ZNF343: variants seen among roughly 807,000 people sequenced by gnomAD.
ZNF343 encodes zinc finger protein 343.
A neutral mutation model predicts 13.8 loss-of-function variants in ZNF343; 11 were observed. The ratio of observed to expected loss-of-function variants is 0.80; its 90% confidence interval spans 0.50 to 1.32. ZNF343 has a LOEUF of 1.32. Among genes scored for constraint, ZNF343 ranks in the 40% most tolerant of loss-of-function variants. ZNF343 has a pLI of 0.00. For synonymous variants in ZNF343, 248 were observed against 260.0 expected, an observed-to-expected ratio of 0.95 and a Z score of 0.44; for missense variants, 658 against 714.2, an observed-to-expected ratio of 0.92 and a Z score of 0.90.
upstream of ZNF343, among the ~76,000 whole-genome samples, chr20:2,512,121 C>A (rs2085741692): frequency 6.6e-6 from 1 of 152,106 alleles, no homozygotes; most frequent in African/African-American, 2.4e-5. Context: ...CAGGAAGGCA[C>A]AAGATTTGTA....
At chr20:2,504,025 G>C (rs1311388392) in intron 1 of ZNF343, among the ~76,000 whole-genome samples, 1 of 152,150 alleles carries the variant, frequency 6.6e-6, no homozygotes, top group Non-Finnish European at 1.5e-5. Context: ...TCCAGGAGCT[G>C]GTTTTTTGAA....
Position 2,518,528 on chromosome 20 carries a change from C to T in ZNF343, c.-347+5927G>A, listed in dbSNP as rs1190592105. Among the ~76,000 whole-genome samples the T allele has an allele frequency of 6.6e-6, 1 of 152,152 alleles. No homozygotes were observed. Among genetic ancestry groups the T allele is most frequent in the African/African-American group, 2.4e-5 (1 of 41,428 alleles). ...AAGTACTCCAAAATACACAATAGTA[C>T]TCACAAGTGCCAGACTCTAACTTCT... On this transcript the variant is annotated intron_variant, in intron 1 of 6. Transcript: ENST00000358413. This position sits in a 1 kb window ranked among gnomAD's most constrained non-coding sequence, Gnocchi z 4.6.
chr20:2,492,002 T>TG lies in ZNF343; in HGVS notation c.304+696dup, dbSNP rs773205275. On this transcript the variant is annotated intron_variant, in intron 5 of 5. Coordinates refer to ENST00000278772, the MANE Select transcript of ZNF343 (RefSeq NM_024325.6). ...CCAAGTAGCTGAGATTACAGGCACA[T>TG]GCCACCATGCTCAGCTAATTTTTGT... 1,137 of 154,802 alleles carry TG rather than the reference T, an allele frequency of 7.3e-3. 9 individuals are homozygous for TG. Among genetic ancestry groups the TG allele is most frequent in the African/African-American group, 0.026 (1,091 of 41,632 alleles). The allele number at this position is 154,802 out of a possible 1,614,324, so 9.6% of individuals were successfully genotyped here.
Position 2,493,632 on chromosome 20 carries a change from C to T in ZNF343, c.119-55G>A, listed in dbSNP as rs555643723. On this transcript the variant is annotated intron_variant, in intron 3 of 5. Transcript: ENST00000278772. ...CCAGACCCCCCCACCCCCCACCCCC[C>T]ACCATGACGCTCCCTGAGCAGCTCT... 8.3e-6 allele frequency: 8 copies of T among 965,568 alleles called. No homozygotes were observed. The Admixed American group carries it at 8.8e-5, about 11-fold the overall frequency. The allele number at this position is 965,568 out of a possible 1,614,324, so 59.8% of individuals were successfully genotyped here.
At chr20:2,500,197 G>C (rs867975170) in intron 2 of ZNF343, among the ~76,000 whole-genome samples, 2 of 152,026 alleles carry the variant, frequency 1.3e-5, no homozygotes, top group African/African-American at 4.8e-5. Flanking sequence ...TACCCAACCC[G>C]GTCATATTAC....
chr20:2,507,097 T>C (rs2085672207), intron 1 of ZNF343, among the ~76,000 whole-genome samples: 1 of 151,486 alleles, frequency 6.6e-6, no homozygotes, highest in South Asian at 2.1e-4. Flanking sequence ...AAACCCCGTG[T>C]CTACTAAAAA....
chr20:2,484,035 T>A lies in ZNF343; in HGVS notation c.926A>T (p.Lys309Met). The change falls in exon 6 of 6, where the codon AAG becomes ATG. Residue 309 changes from lysine to methionine, a missense_variant. Physicochemically the swap from Lys to Met is moderately conservative, Grantham distance 95. Transcript: ENST00000278772. ...CSECGRGFSQ[K>M]SNLSRHQRTH... is the part of the protein sequence containing the mutation. ...TCTCTGGTGTCTGCTGAGGTTGGAC[T>A]TCTGGCTAAAACCTCGCCCGCACTC... 2 of 1,614,206 alleles carry A rather than the reference T, an allele frequency of 1.2e-6. No individual in the cohort carries two copies. Among genetic ancestry groups the A allele is most frequent in the South Asian group, 1.1e-5 (1 of 91,084 alleles).
chr20:2,523,598 A>G (rs2085791743), intron 1 of ZNF343, among the ~76,000 whole-genome samples: 1 of 149,888 alleles, frequency 6.7e-6, no homozygotes, highest in African/African-American at 2.5e-5. Context: ...CTGCCATCCT[A>G]CTGTTTGAGG....
At chr20:2,502,882 G>A (rs1288986430) in intron 1 of ZNF343, among the ~76,000 whole-genome samples, 3 of 152,152 alleles carry the variant, frequency 2.0e-5, no homozygotes, top group Non-Finnish European at 4.4e-5. Context: ...AGACCATTGA[G>A]GCTAGGAAGA....
chr20:2,485,771 C>A (rs1008879453), intron 5 of ZNF343, among the ~76,000 whole-genome samples: 1 of 152,168 alleles, frequency 6.6e-6, no homozygotes, highest in African/African-American at 2.4e-5. Context: ...GTTGCTCTGA[C>A]AAGGCACCGA....
At position 2,481,941 on chromosome 20, in the gene ZNF343, C is replaced by T. The variant is rs2085170385; in HGVS notation, c.*1220G>A. On this transcript the variant is annotated 3_prime_UTR_variant, in exon 6 of 6. Transcript: ENST00000278772. ...TACAGAGTACATGGGGGAGTCAAGA[C>T]ATTTCCTGAAAATCCCTCAGAGGTG... The T allele has an allele frequency of 6.6e-6, 1 of 152,166 alleles. No homozygotes were observed. The highest frequency in any genetic ancestry group is 1.5e-5 in the Non-Finnish European group (1 of 68,030). 9.4% of individuals were successfully genotyped at this position (152,166 alleles called of 1,614,324 possible).
chr20:2,490,895 C>T lies in ZNF343; in HGVS notation c.304+1804G>A, dbSNP rs190647949. 6.6e-5 allele frequency among the ~76,000 whole-genome samples: 10 copies of T among 152,164 alleles called. No homozygotes were observed. In the East Asian group the frequency reaches 1.5e-3, roughly 24 times the overall value. ...TTTAAAAGGAAAAACACACACAGAA[C>T]GAGTCCGAAATGGATGAATCTACAG... On this transcript the variant is annotated intron_variant, in intron 5 of 5. Transcript: ENST00000278772.
chr20:2,494,772 G>GA (rs36059987), intron 2 of ZNF343, among the ~76,000 whole-genome samples: 87,264 of 144,084 alleles, frequency 0.61, 26,428 homozygotes, highest in South Asian at 0.69. Flanking sequence ...CCTGTCTCAA[G>GA]AAAAAAAAAA....
At position 2,483,001 on chromosome 20, in the gene ZNF343, G is replaced by A. The variant is rs866674812; in HGVS notation, c.*160C>T. 3.9e-5 allele frequency: 33 copies of A among 837,266 alleles called. No homozygotes were observed. The highest frequency in any genetic ancestry group is 3.5e-4 in the Middle Eastern group (1 of 2,828). 51.9% of individuals were successfully genotyped at this position (837,266 alleles called of 1,614,324 possible). On this transcript the variant is annotated 3_prime_UTR_variant, in exon 6 of 6. Transcript: ENST00000278772. Reference sequence around the variant, plus strand: ...TACTCATAAGGCTCCTCTCCTGAACGTGTCCCTCCCATGCCTGATAAGGGC... The same window carrying A: ...TACTCATAAGGCTCCTCTCCTGAACATGTCCCTCCCATGCCTGATAAGGGC...
At chr20:2,509,410 T>G (rs2085723055), upstream of ZNF343, among the ~76,000 whole-genome samples, 2 of 152,210 alleles carry the variant, frequency 1.3e-5, no homozygotes, top group Non-Finnish European at 2.9e-5. Flanking sequence ...AGTTGAACCC[T>G]TACCCTCAAC....
upstream of ZNF343, among the ~76,000 whole-genome samples, chr20:2,511,139 A>T (rs6049648): frequency 0.5 from 74,847 of 148,532 alleles, 19,914 homozygotes; most frequent in African/African-American, 0.69. Flanking sequence ...TTGGACAGGG[A>T]CTTGCTCTGT....
rs952094483 is a variant in ZNF343, at chr20:2,493,411, A to T, written c.177+108T>A. The T allele has an allele frequency of 5.9e-6, 6 of 1,017,004 alleles. No homozygotes were observed. The Admixed American group carries it at 7.3e-5, about 12-fold the overall frequency. The allele number at this position is 1,017,004 out of a possible 1,614,324, so 63.0% of individuals were successfully genotyped here. A position where few individuals can be genotyped will look rare whatever the true frequency, so the allele number is the denominator to read the frequency against. ...AGAAAGCCTAATGCTTCACTCATCT[A>T]CCCAGATGTTGACCGCCTTTTCCTT... On this transcript the variant is annotated intron_variant, in intron 4 of 5. Transcript: ENST00000278772.
At chr20:2,492,506 A>G (rs1488525802) in intron 5 of ZNF343, among the ~76,000 whole-genome samples, 193 bp downstream of exon 5, 1 of 152,148 alleles carries the variant, frequency 6.6e-6, no homozygotes, top group Non-Finnish European at 1.5e-5. Flanking sequence ...ACCATATTAT[A>G]ATATCCCTGT....
At chr20:2,486,872 G>A (rs769259711) in intron 5 of ZNF343, 2 of 151,958 alleles carry the variant, frequency 1.3e-5, no homozygotes, top group African/African-American at 2.4e-5. Flanking sequence ...GCACTTCTTT[G>A]TCAATAGAGA....
Sources: gnomAD v4.1 joint callset for allele counts (sites outside exome capture counted in the v4.1 genomes callset) on GRCh38, gnomAD v4.1.1 for gene constraint, Gnocchi (gnomAD v3.1) non-coding constraint, MANE v1.5 for transcripts, NCBI Gene and HGNC (gene_info 2026-07-23, HGNC 2026-07-21) for gene names.